PLCH1: variants seen among roughly 807,000 people sequenced by gnomAD.
PLCH1 encodes 1-phosphatidylinositol 4,5-bisphosphate phosphodiesterase eta-1.
In PLCH1, 60 loss-of-function variants were observed where a neutral mutation model predicts 126.7. That is an observed-to-expected ratio of 0.47 (90% CI 0.38 to 0.59). The LOEUF (loss-of-function observed/expected upper bound fraction) is 0.59. Ranked by LOEUF, PLCH1 falls within the 20% of genes least tolerant of loss-of-function variation. The probability of loss-of-function intolerance (pLI) is 0.00; values close to 1 mark genes in which losing one functional copy is unlikely to be tolerated. For synonymous variants in PLCH1, 719 were observed against 734.9 expected (o/e 0.98, Z 0.35); for missense variants, 1,723 against 2,040.0 (o/e 0.84, Z 2.99).
rs574656158 is a variant in PLCH1 at position 155,706,395 on chromosome 3, G to A, written c.-40-2131C>T. Among the ~76,000 whole-genome samples, 3 of 151,638 alleles carry A rather than the reference G, an allele frequency of 2.0e-5. No homozygotes were observed. In the South Asian group the frequency reaches 6.3e-4, roughly 32 times the overall value. ...CCAGCACTTTGGGAGGCCGAGGTGGGCAGATCACGAGGTCAGGAGTTCCAG... is the reference window on the plus strand; with the variant it reads ...CCAGCACTTTGGGAGGCCGAGGTGGACAGATCACGAGGTCAGGAGTTCCAG... On this transcript the variant is annotated intron_variant, in intron 1 of 22. Transcript: ENST00000460012.
At position 155,494,226 on chromosome 3, in the gene PLCH1, T is replaced by C; in HGVS notation, c.2097A>G (p.Glu699=). Residue 699 remains glutamate (E), a synonymous_variant, in exon 17 of 23, where the codon GAA becomes GAG. Transcript: ENST00000460012. The part of the protein sequence containing the change: ...CQLVALNYQS[E]GRMMQLNRAK... The stretch of plus-strand genomic sequence containing the variant: ...CTCGGTTTAACTGCATCATTCGTCC[T>C]TCAGATTGATAATTCAGTGCCACTG... The C allele has an allele frequency of 6.2e-7, 1 of 1,614,082 alleles. No homozygotes were observed. The highest frequency in any genetic ancestry group is 8.5e-7 in the Non-Finnish European group (1 of 1,179,934).
intron 21 of PLCH1, among the ~76,000 whole-genome samples, chr3:155,460,538 T>C (rs1712671811): frequency 2.0e-5 from 3 of 152,178 alleles, no homozygotes; most frequent in Non-Finnish European, 4.4e-5. Flanking sequence ...CTTAGTTTCC[T>C]GACCTGAGTT....
chr3:155,737,451 C>T (rs542518819), intron 1 of PLCH1, among the ~76,000 whole-genome samples: 2 of 151,700 alleles, frequency 1.3e-5, no homozygotes, highest in Non-Finnish European at 2.9e-5. Context: ...CCCACCTCGG[C>T]CTCCCAAAGT....
intron 2 of PLCH1, among the ~76,000 whole-genome samples, chr3:155,631,550 T>C (rs1282906086): frequency 1.3e-5 from 2 of 152,218 alleles, no homozygotes; most frequent in African/African-American, 4.8e-5. Flanking sequence ...TGAAGGATTG[T>C]TCACAGAGGA....
chr3:155,513,413 C>T (rs1719874541), intron 12 of PLCH1, among the ~76,000 whole-genome samples: 1 of 152,020 alleles, frequency 6.6e-6, no homozygotes, highest in Admixed American at 6.6e-5. Flanking sequence ...TTGTTTCTTC[C>T]AAAATATCCA....
intron 2 of PLCH1, among the ~76,000 whole-genome samples, chr3:155,677,245 C>A (rs1449415035): frequency 6.6e-6 from 1 of 152,224 alleles, no homozygotes; most frequent in African/African-American, 2.4e-5. Flanking sequence ...TTAGGCAATT[C>A]CCACCAGGGC....
At chr3:155,487,910 A>T in intron 21 of PLCH1, 118 bp downstream of exon 21, 1 of 661,616 alleles carries the variant, frequency 1.5e-6, no homozygotes, top group Non-Finnish European at 2.7e-6. Flanking sequence ...GGGCCTCCTT[A>T]GAGTTTTTGG....
At chr3:155,673,785 C>T (rs138295495) in intron 2 of PLCH1, among the ~76,000 whole-genome samples, 1 of 152,284 alleles carries the variant, frequency 6.6e-6, no homozygotes, top group Non-Finnish European at 1.5e-5. Flanking sequence ...GGCATTCGTA[C>T]ACAGCATGCA....
At chr3:155,580,405 G>A (rs930866784) in intron 6 of PLCH1, among the ~76,000 whole-genome samples, 3 of 152,054 alleles carry the variant, frequency 2.0e-5, no homozygotes, top group African/African-American at 7.2e-5. Flanking sequence ...GCATTTAAAT[G>A]CTATAAAATG....
chr3:155,581,815 C>G lies in PLCH1; in HGVS notation c.771+1657G>C, dbSNP rs140781575. Among the ~76,000 whole-genome samples, 837 of 149,614 alleles carry G rather than the reference C, an allele frequency of 5.6e-3. 7 individuals carry two copies. The highest frequency in any genetic ancestry group is 0.019 in the African/African-American group (786 of 40,854). The stretch of plus-strand genomic sequence containing the variant: ...AGGCTGCAGTGCAATGACGCTATCT[C>G]GGCTCACCACAACCTCCGCCTCTTG... On this transcript the variant is annotated intron_variant, in intron 6 of 22. Coordinates refer to ENST00000460012, the MANE Select transcript of PLCH1 (RefSeq NM_014996.4).
intron 1 of PLCH1, among the ~76,000 whole-genome samples, chr3:155,719,936 C>T (rs1461825505): frequency 2.6e-5 from 4 of 152,052 alleles, no homozygotes; most frequent in African/African-American, 9.7e-5. Flanking sequence ...GCTGGGATTA[C>T]AGTCATGCGC....
rs752453405 is a variant in PLCH1, at chr3:155,482,591, C to A, written c.3435G>T (p.Leu1145Phe). The A allele has an allele frequency of 3.2e-5, 52 of 1,614,094 alleles. No individual in the cohort carries two copies. The Admixed American group carries it at 7.2e-4, about 22-fold the overall frequency. ...CAGAACAGAGCATGGAGACGTCTGA[C>A]AAAGAAAAGGATGTTGCAGCTCGGC... ...GKGRAATSFS[L>F]SDVSMLCSDI... Residue 1145 changes from leucine (L) to phenylalanine (F), a missense_variant, in exon 23 of 23, where the codon TTG (leucine) becomes TTT (phenylalanine). Coordinates refer to ENST00000460012, the MANE Select transcript of PLCH1 (RefSeq NM_014996.4).
chr3:155,543,794 C>T (rs1446622948), intron 10 of PLCH1, among the ~76,000 whole-genome samples: 1 of 150,530 alleles, frequency 6.6e-6, no homozygotes, highest in African/African-American at 2.4e-5. Context: ...AACTAAGCTT[C>T]ATAAGTGAAG....
At chr3:155,662,989 T>G (rs1055018397) in intron 2 of PLCH1, among the ~76,000 whole-genome samples, 1 of 152,192 alleles carries the variant, frequency 6.6e-6, no homozygotes, top group Non-Finnish European at 1.5e-5. Context: ...CTTACCTTTC[T>G]TCTTTTTTGG....
chr3:155,576,323 A>T (rs78751866), intron 6 of PLCH1, among the ~76,000 whole-genome samples: 2,725 of 152,342 alleles, frequency 0.018, 28 homozygotes, highest in South Asian at 0.027. Context: ...GTGATCCTTT[A>T]TCTGTAGATG....
chr3:155,594,423 A>C (rs1732662358), intron 3 of PLCH1, among the ~76,000 whole-genome samples: 1 of 151,940 alleles, frequency 6.6e-6, no homozygotes, highest in Admixed American at 6.6e-5. Flanking sequence ...TAAAAAAAAA[A>C]TTGGCCGGGC....
intron 5 of PLCH1, among the ~76,000 whole-genome samples, chr3:155,584,454 T>C (rs1215032973): frequency 1.3e-5 from 2 of 152,236 alleles, no homozygotes; most frequent in African/African-American, 2.4e-5. Flanking sequence ...TCTGGATTGA[T>C]TTCTTGTTAA....
chr3:155,478,814 G>A (rs982565073), downstream of PLCH1, among the ~76,000 whole-genome samples: 1 of 152,036 alleles, frequency 6.6e-6, no homozygotes, highest in Admixed American at 6.6e-5. Flanking sequence ...GAACTTTAAG[G>A]AGCAAAGGAA....
intron 6 of PLCH1, among the ~76,000 whole-genome samples, chr3:155,569,424 T>C (rs1728924923): frequency 6.6e-6 from 1 of 152,208 alleles, no homozygotes; most frequent in African/African-American, 2.4e-5. Flanking sequence ...TATGGCTGTT[T>C]TTTGTCAGTT....
Sources: gnomAD v4.1 joint callset for allele counts (sites outside exome capture counted in the v4.1 genomes callset) on GRCh38, gnomAD v4.1.1 for gene constraint, MANE v1.5 for transcripts, NCBI Gene and HGNC (gene_info 2026-07-23, HGNC 2026-07-21) for gene names.